The following IFT70B variants were observed in gnomAD, a reference collection of about 807,000 sequenced individuals.
The protein encoded by IFT70B is intraflagellar transport protein 70B.
the IFT70B span, chr2:177,552,743 C>T: frequency 8.2e-6 from 13 of 1,576,160 alleles, no homozygotes; most frequent in Admixed American, 1.8e-5. Flanking sequence ...CGGGGATCTG[C>T]GCGCCGCTCA....
the IFT70B span, chr2:177,550,605 T>C: frequency 1.7e-6 from 1 of 595,882 alleles, no homozygotes; most frequent in Non-Finnish European, 2.7e-6. Flanking sequence ...ATATGTCACT[T>C]TCTGGGAAAT....
the IFT70B span, chr2:177,552,535 C>A: frequency 6.3e-7 from 1 of 1,599,912 alleles, no homozygotes; most frequent in Non-Finnish European, 8.5e-7. Context: ...TGCTCCAGTT[C>A]CGGGTGCAGC....
At chr2:177,552,724 A>C in the IFT70B span, 1 of 1,588,964 alleles carries the variant, frequency 6.3e-7, no homozygotes, top group Admixed American at 1.7e-5. Context: ...ACCGCGGTGA[A>C]CTCCCCGTCG....
At chr2:177,549,349 C>T in the IFT70B span, 1 of 152,198 alleles carries the variant, frequency 6.6e-6, no homozygotes, top group Non-Finnish European at 1.5e-5. Flanking sequence ...AATTTGAGCA[C>T]TCAGGAGGTC....
At chr2:177,551,939 A>G in the IFT70B span, 55 of 1,613,848 alleles carry the variant, frequency 3.4e-5, 1 homozygote, top group East Asian at 1.1e-4. Context: ...GTGGCATGTC[A>G]GTGAGGGCTT....
chr2:177,550,517 A>C, the IFT70B span: 3 of 341,042 alleles, frequency 8.8e-6, no homozygotes, highest in Non-Finnish European at 1.6e-5. Flanking sequence ...AAAGGAAACA[A>C]ACGTATTACA....
chr2:177,552,663 A>T, the IFT70B span: 1 of 1,591,338 alleles, frequency 6.3e-7, no homozygotes, highest in Non-Finnish European at 8.6e-7. Context: ...TTCTCCGCCC[A>T]GCAGCTGCAC....
chr2:177,551,103 T>A, the IFT70B span: 1 of 1,614,034 alleles, frequency 6.2e-7, no homozygotes, highest in Non-Finnish European at 8.5e-7. Context: ...TTTGGCACAA[T>A]AAAGAGTTCC....
At chr2:177,550,867 G>A in the IFT70B span, 6 of 1,614,030 alleles carry the variant, frequency 3.7e-6, no homozygotes, top group Non-Finnish European at 4.2e-6. Context: ...TCTTCCAGGG[G>A]TTGTTCAATA....
At chr2:177,551,736 A>T in the IFT70B span, 2 of 1,614,122 alleles carry the variant, frequency 1.2e-6, no homozygotes, top group African/African-American at 2.7e-5. Flanking sequence ...ATTTTCTGCC[A>T]GGACATCTGC....
the IFT70B span, chr2:177,551,884 C>T: frequency 1.6e-5 from 26 of 1,614,092 alleles, no homozygotes; most frequent in Admixed American, 4.0e-4. Context: ...TTCATTAGTG[C>T]CTGGTTGTGT....
chr2:177,549,060 T>G, the IFT70B span: 8 of 152,006 alleles, frequency 5.3e-5, no homozygotes. Context: ...AGATTTCAGT[T>G]CATTTACTTT....
chr2:177,551,737 G>C, the IFT70B span: 4 of 1,614,212 alleles, frequency 2.5e-6, no homozygotes, highest in Admixed American at 6.7e-5. Flanking sequence ...TTTTCTGCCA[G>C]GACATCTGCT....
chr2:177,552,758 A>G, the IFT70B span: 3 of 1,555,032 alleles, frequency 1.9e-6, no homozygotes, highest in Non-Finnish European at 2.6e-6. Context: ...CGCTCAGGCC[A>G]GCCATAACCA....
the IFT70B span, chr2:177,550,771 T>C: frequency 2.5e-6 from 4 of 1,597,932 alleles, no homozygotes; most frequent in African/African-American, 5.4e-5. Context: ...TATTACTATA[T>C]ATTCCATCCT....
the IFT70B span, chr2:177,551,163 T>C: frequency 6.2e-7 from 1 of 1,614,070 alleles, no homozygotes; most frequent in Non-Finnish European, 8.5e-7. Flanking sequence ...ATCTGGGTCA[T>C]CATAAGAGAG....
chr2:177,551,351 C>T, the IFT70B span: 29 of 1,613,896 alleles, frequency 1.8e-5, no homozygotes, highest in African/African-American at 2.4e-4. Context: ...ATTTGTTTTC[C>T]TGCATGAACA....
chr2:177,549,984 G>C, the IFT70B span: 2 of 152,158 alleles, frequency 1.3e-5, no homozygotes, highest in South Asian at 2.1e-4. Context: ...ATACTAGCCT[G>C]GGCAACAAAC....
chr2:177,550,713 C>A, the IFT70B span: 18 of 1,428,644 alleles, frequency 1.3e-5, no homozygotes, highest in Non-Finnish European at 1.7e-5. Context: ...GTAAATAAAG[C>A]GATGCAAATT....
Sources: allele counts gnomAD v4.1 joint callset, GRCh38; gene constraint gnomAD v4.1.1; transcripts MANE v1.5; gene names NCBI Gene and HGNC (gene_info 2026-07-23, HGNC 2026-07-21).